RTP2: variants seen among roughly 807,000 people sequenced by gnomAD.
The protein encoded by RTP2 is receptor transporter protein 2, also known as receptor-transporting protein 2.
A neutral mutation model predicts 17.9 loss-of-function variants in RTP2; 12 were observed. That is an observed-to-expected ratio of 0.67 (90% CI 0.43 to 1.09). RTP2 has a LOEUF of 1.09. RTP2 is among the 50% of genes least tolerant of loss of function. RTP2 has a pLI of 0.00. For synonymous variants in RTP2, 126 were observed against 117.7 expected (o/e 1.07, Z -0.46); for missense variants, 327 against 295.7 (o/e 1.11, Z -0.78).
the RTP2 span, among the ~76,000 whole-genome samples, chr3:187,714,004 G>C: frequency 6.6e-6 from 1 of 152,290 alleles, no homozygotes; most frequent in South Asian, 2.1e-4. Context: ...CTGAGTGTCT[G>C]ACAGCAAGTC....
upstream of RTP2, among the ~76,000 whole-genome samples, chr3:187,705,068 T>C (rs1303671252): frequency 6.6e-6 from 1 of 152,162 alleles, no homozygotes; most frequent in Non-Finnish European, 1.5e-5. Context: ...TTATCCTTTT[T>C]TCCGGGTCTT....
the RTP2 span, among the ~76,000 whole-genome samples, chr3:187,708,460 C>G: frequency 2.6e-5 from 4 of 152,226 alleles, no homozygotes; most frequent in South Asian, 2.1e-4. Flanking sequence ...TCTTAAGATT[C>G]AGTCCAAAAT....
chr3:187,698,412 T>A, exon 2 of RTP2: 1 of 1,221,040 alleles, frequency 8.2e-7, no homozygotes. Context: ...TCCAGTCATA[T>A]GTTGAATCTG....
chr3:187,704,915 C>T (rs1376193348), upstream of RTP2, among the ~76,000 whole-genome samples: 1 of 152,194 alleles, frequency 6.6e-6, no homozygotes, highest in East Asian at 1.9e-4. Context: ...TTACGCTGCC[C>T]TTTTATTAAT....
upstream of RTP2, among the ~76,000 whole-genome samples, chr3:187,704,994 T>C (rs1209183371): frequency 6.6e-6 from 1 of 152,180 alleles, no homozygotes; most frequent in Non-Finnish European, 1.5e-5. Flanking sequence ...GCCCAAATTC[T>C]GTGCACCATG....
the RTP2 span, among the ~76,000 whole-genome samples, chr3:187,713,681 T>C: frequency 6.6e-6 from 1 of 151,898 alleles, no homozygotes; most frequent in Non-Finnish European, 1.5e-5. Context: ...TTACACCCTA[T>C]GCAAGTGAAG....
At chr3:187,703,067 G>A (rs1717894574), upstream of RTP2, among the ~76,000 whole-genome samples, 1 of 152,214 alleles carries the variant, frequency 6.6e-6, no homozygotes, top group Non-Finnish European at 1.5e-5. Flanking sequence ...GTAGCTCTGT[G>A]ATGCCCAATT....
chr3:187,710,365 T>C, the RTP2 span, among the ~76,000 whole-genome samples: 5 of 92,544 alleles, frequency 5.4e-5, no homozygotes, highest in Non-Finnish European at 1.1e-4. Flanking sequence ...ATAAATGTCT[T>C]CCTAAATATC....
upstream of RTP2, among the ~76,000 whole-genome samples, chr3:187,702,741 A>T (rs767609714): frequency 4.6e-5 from 7 of 152,216 alleles, no homozygotes; most frequent in Non-Finnish European, 1.0e-4. Context: ...CAAGATTCAG[A>T]TCTAGGCCTT....
chr3:187,704,083 C>T (rs1200737913), upstream of RTP2, among the ~76,000 whole-genome samples: 6 of 152,120 alleles, frequency 3.9e-5, no homozygotes, highest in Non-Finnish European at 7.4e-5. Context: ...ACAGCTGTGG[C>T]CACATCACAC....
upstream of RTP2, among the ~76,000 whole-genome samples, chr3:187,704,705 C>A (rs552822257): frequency 1.3e-5 from 2 of 152,152 alleles, no homozygotes; most frequent in Non-Finnish European, 2.9e-5. Context: ...TGCTATAGGG[C>A]GAATCCAAGA....
exon 2 of RTP2, chr3:187,698,483 C>T (rs1209408140): frequency 1.3e-6 from 2 of 1,590,256 alleles, no homozygotes. Flanking sequence ...CCTCTCCCAC[C>T]CTTAACCAGC....
At chr3:187,711,903 T>C in the RTP2 span, among the ~76,000 whole-genome samples, 1 of 152,240 alleles carries the variant, frequency 6.6e-6, no homozygotes, top group Admixed American at 6.5e-5. Context: ...TCTACTTATA[T>C]ATTCCATTTA....
At chr3:187,706,173 G>T (rs1290894374), upstream of RTP2, among the ~76,000 whole-genome samples, 5 of 152,160 alleles carry the variant, frequency 3.3e-5, no homozygotes, top group African/African-American at 1.2e-4. Context: ...TTACTCCCAA[G>T]GATAAGGCAG....
At chr3:187,706,517 G>C (rs1035209589), upstream of RTP2, among the ~76,000 whole-genome samples, 1 of 152,218 alleles carries the variant, frequency 6.6e-6, no homozygotes, top group African/African-American at 2.4e-5. Context: ...CTACAAGCCA[G>C]AACAATTATA....
intron 1 of RTP2, among the ~76,000 whole-genome samples, chr3:187,700,418 C>G (rs1340066694): frequency 6.6e-6 from 1 of 152,232 alleles, no homozygotes; most frequent in African/African-American, 2.4e-5. Flanking sequence ...TTCTTCAGCT[C>G]TTCCTGAGGC....
At position 187,698,985 on chromosome 3, in the gene RTP2, G is replaced by A. The variant is rs745753590; in HGVS notation, c.191C>T (p.Thr64Ile). The A allele has an allele frequency of 3.9e-5, 62 of 1,592,598 alleles. No individual in the cohort carries two copies. Among genetic ancestry groups the A allele is most frequent in the Middle Eastern group, 3.3e-4 (2 of 6,004 alleles). ...GATGACCACATGGGCAGACTGCCAG[G>A]TGTGCCAGCACCAGGAGCAGTGGAA... is the stretch of plus-strand genomic sequence containing the variant. Residue 64 changes from threonine to isoleucine, a missense_variant, in exon 2 of 2, where the codon ACC becomes ATC. By Grantham distance (89) the Thr-to-Ile change is moderately conservative (BLOSUM62 -1). Coordinates refer to ENST00000358241, the Ensembl canonical transcript of RTP2.
exon 1 of RTP2, chr3:187,702,233 C>A (rs532409533): frequency 8.5e-7 from 1 of 1,180,584 alleles, no homozygotes; most frequent in Non-Finnish European, 1.2e-6. Context: ...GAATCCTCAT[C>A]GGCAGGACTG....
upstream of RTP2, among the ~76,000 whole-genome samples, chr3:187,704,125 G>A (rs1294047430): frequency 6.6e-6 from 1 of 152,000 alleles, no homozygotes; most frequent in Non-Finnish European, 1.5e-5. Context: ...ATTTTGTCTA[G>A]GCAATACTTT....
Sources: allele counts gnomAD v4.1 joint callset (sites outside exome capture counted in the v4.1 genomes callset), GRCh38; gene constraint gnomAD v4.1.1; transcripts MANE v1.5; gene names NCBI Gene and HGNC (gene_info 2026-07-23, HGNC 2026-07-21).